NRXN3: variants seen among roughly 807,000 people sequenced by gnomAD.
NRXN3 encodes neurexin 3, also known as neurexin III.
NRXN3 carries 32 observed loss-of-function variants against 137.6 expected under a neutral mutation model. The ratio of observed to expected loss-of-function variants is 0.23; its 90% CI spans 0.18 to 0.31. The LOEUF is 0.31. Ranked by LOEUF, NRXN3 falls within the 10% of genes least tolerant of loss-of-function variation. The pLI, the probability that NRXN3 is intolerant of heterozygous loss-of-function variation, is 1.00. For synonymous variants in NRXN3, 798 were observed against 784.5 expected (o/e 1.02, Z -0.29); for missense variants, 1,574 against 2,062.5 (o/e 0.76, Z 4.59).
chr14:79,487,646 G>A (rs901419174), intron 16 of NRXN3, among the ~76,000 whole-genome samples: 1 of 146,106 alleles, frequency 6.8e-6, no homozygotes, highest in African/African-American at 2.7e-5. Flanking sequence ...GAGGATAATG[G>A]CAGCTGCAGG....
At chr14:78,224,750 CTTT>C (rs35800837) in intron 1 of NRXN3, among the ~76,000 whole-genome samples, 3 of 64,844 alleles carry the variant, frequency 4.6e-5, no homozygotes, top group Non-Finnish European at 7.9e-5. Context: ...GTGCATGTGT[CTTT>C]TTTTTTTTTT....
chr14:79,812,782 T>G (rs993267536), intron 20 of NRXN3, among the ~76,000 whole-genome samples: 1 of 152,122 alleles, frequency 6.6e-6, no homozygotes, highest in South Asian at 2.1e-4. Context: ...GATGGACATG[T>G]TGAAGGGAGA....
Position 78,889,636 on chromosome 14 carries a change from C to T in NRXN3, c.2276-67606C>T, listed in dbSNP as rs569663607. On this transcript the variant is annotated intron_variant, in intron 10 of 20. Transcript: ENST00000335750. ...AAAGAGTACCTGATAAGAGCTGGTA[C>T]TCTGAGTACTGAGCACTGAGTACCT... Among the ~76,000 whole-genome samples, 4 of 152,128 alleles carry T rather than the reference C, an allele frequency of 2.6e-5. No homozygotes were observed. The South Asian group carries it at 8.3e-4, about 32-fold the overall frequency.
At chr14:79,587,224 C>A (rs1446279512) in intron 16 of NRXN3, among the ~76,000 whole-genome samples, 1 of 152,236 alleles carries the variant, frequency 6.6e-6, no homozygotes, top group African/African-American at 2.4e-5. Flanking sequence ...ATGTGTTACA[C>A]AAACTGAAGT....
chr14:79,009,689 C>G (rs116154577), intron 15 of NRXN3, among the ~76,000 whole-genome samples: 3 of 152,020 alleles, frequency 2.0e-5, no homozygotes, highest in African/African-American at 2.4e-5. Context: ...GATTGAAACC[C>G]GTCTTATAAA....
intron 19 of NRXN3, among the ~76,000 whole-genome samples, chr14:79,702,699 G>A (rs2098759373): frequency 6.6e-6 from 1 of 151,938 alleles, no homozygotes; most frequent in South Asian, 2.1e-4. Flanking sequence ...ACTGAATTGG[G>A]TTCCCTGTGT....
chr14:79,112,986 T>C (rs1484509183), intron 15 of NRXN3, among the ~76,000 whole-genome samples: 1 of 152,078 alleles, frequency 6.6e-6, no homozygotes, highest in Non-Finnish European at 1.5e-5. Flanking sequence ...TACAATGGAG[T>C]GATACATGAG....
intron 9 of NRXN3, among the ~76,000 whole-genome samples, chr14:78,808,388 C>T (rs2098890242): frequency 6.6e-6 from 1 of 152,208 alleles, no homozygotes; most frequent in Non-Finnish European, 1.5e-5. Flanking sequence ...TTGTTGTTTG[C>T]AGTCCTTGGG....
chr14:79,830,045 T>C (rs939721387), intron 20 of NRXN3, among the ~76,000 whole-genome samples: 1 of 152,222 alleles, frequency 6.6e-6, no homozygotes, highest in Admixed American at 6.5e-5. Context: ...TTGAGCATCA[T>C]GGCCGCTTCC....
intron 20 of NRXN3, among the ~76,000 whole-genome samples, chr14:79,857,604 C>CT (rs755138422): frequency 6.6e-6 from 1 of 151,252 alleles, no homozygotes; most frequent in Non-Finnish European, 1.5e-5. Context: ...CCTTTGATCC[C>CT]CCAGGACACT....
chr14:79,376,085 G>A (rs1422286183), intron 15 of NRXN3, among the ~76,000 whole-genome samples: 2 of 146,718 alleles, frequency 1.4e-5, no homozygotes, highest in Non-Finnish European at 3.0e-5. Flanking sequence ...TATTGTTTTA[G>A]TCATCATCAT....
chr14:79,287,871 T>C (rs1001896230), intron 15 of NRXN3, among the ~76,000 whole-genome samples: 1 of 152,246 alleles, frequency 6.6e-6, no homozygotes, highest in African/African-American at 2.4e-5. Context: ...TGTAGTTTTC[T>C]GCATGGCATG....
At chr14:79,168,840 A>G (rs748099871) in intron 15 of NRXN3, among the ~76,000 whole-genome samples, 15 of 152,054 alleles carry the variant, frequency 9.9e-5, no homozygotes, top group Non-Finnish European at 1.8e-4. Flanking sequence ...TAATACCTAA[A>G]TTTATAGTAT....
chr14:79,423,442 C>A (rs1227192034), intron 15 of NRXN3, among the ~76,000 whole-genome samples: 2 of 152,154 alleles, frequency 1.3e-5, no homozygotes, highest in East Asian at 1.9e-4. Context: ...ATTAACAATA[C>A]CTTAGTGATA....
At chr14:78,356,420 C>G (rs1485720510) in intron 4 of NRXN3, among the ~76,000 whole-genome samples, 2 of 152,236 alleles carry the variant, frequency 1.3e-5, no homozygotes, top group African/African-American at 4.8e-5. Context: ...TTACTTTCCT[C>G]AATCCTAGAA....
At chr14:79,845,011 G>A (rs908749690) in intron 20 of NRXN3, among the ~76,000 whole-genome samples, 2 of 152,062 alleles carry the variant, frequency 1.3e-5, no homozygotes, top group East Asian at 3.9e-4. Context: ...ATTAGAACTC[G>A]CTGCTTCACT....
intron 4 of NRXN3, among the ~76,000 whole-genome samples, chr14:78,376,442 C>G (rs2087858704): frequency 6.6e-6 from 1 of 152,110 alleles, no homozygotes; most frequent in African/African-American, 2.4e-5. Flanking sequence ...GACTCCCACT[C>G]CCAAAAAATT....
intron 10 of NRXN3, among the ~76,000 whole-genome samples, chr14:78,902,959 T>A (rs1158353107): frequency 6.6e-6 from 1 of 151,816 alleles, no homozygotes; most frequent in Non-Finnish European, 1.5e-5. Context: ...GCAAATCTCA[T>A]CCTTTTCAAG....
intron 4 of NRXN3, among the ~76,000 whole-genome samples, chr14:78,632,738 A>T (rs1271349881): frequency 6.6e-6 from 1 of 152,208 alleles, no homozygotes; most frequent in Admixed American, 6.5e-5. Flanking sequence ...GAGCATGTAG[A>T]TATGCTATCT....
Sources: gnomAD v4.1 joint callset for allele counts (sites outside exome capture counted in the v4.1 genomes callset) on GRCh38, gnomAD v4.1.1 for gene constraint, MANE v1.5 for transcripts, NCBI Gene and HGNC (gene_info 2026-07-23, HGNC 2026-07-21) for gene names.